The following FREM3 variants were observed in gnomAD, a reference collection of about 807,000 sequenced individuals.
The protein encoded by FREM3 is FRAS1 related extracellular matrix 3, also known as FRAS1-related extracellular matrix protein 3.
A neutral mutation model predicts 129.1 loss-of-function variants in FREM3; 105 were observed. That is an observed-to-expected ratio of 0.81 (90% confidence interval 0.69 to 0.96). The LOEUF (loss-of-function observed/expected upper bound fraction) is 0.96. FREM3 is among the 40% of genes least tolerant of loss of function. The pLI is 0.00. For missense variants in FREM3, 2,593 were observed against 2,666.3 expected (o/e 0.97, Z 0.61); for synonymous variants, 1,014 against 1,044.9 (o/e 0.97, Z 0.57).
intron 2 of FREM3, chr4:143,649,276 TTCA>T (rs1219277064): frequency 6.6e-6 from 1 of 152,218 alleles, no homozygotes; most frequent in Non-Finnish European, 1.5e-5. Flanking sequence ...CCATCAACTC[TTCA>T]TCATCACTAA....
chr4:143,580,183 T>C (rs927424401), intron 7 of FREM3, among the ~76,000 whole-genome samples: 1 of 150,542 alleles, frequency 6.6e-6, no homozygotes, highest in Non-Finnish European at 1.5e-5. Context: ...GGACAGAGAG[T>C]GGTGAATAAA....
At chr4:143,677,283 G>T (rs1431083420) in intron 2 of FREM3, among the ~76,000 whole-genome samples, 1 of 152,184 alleles carries the variant, frequency 6.6e-6, no homozygotes, top group African/African-American at 2.4e-5. Flanking sequence ...ACAAAAACAG[G>T]AAATGGGGAA....
At chr4:143,582,915 T>TTTTC (rs1560833000) in intron 7 of FREM3, among the ~76,000 whole-genome samples, 1 of 150,888 alleles carries the variant, frequency 6.6e-6, no homozygotes, top group Non-Finnish European at 1.5e-5. Context: ...TTTTTTGAGA[T>TTTTC]GGGTTTGAAC....
In FREM3 at chr4:143,700,482, G is replaced by A. The variant is rs866243537; in HGVS notation, c.194C>T (p.Ala65Val). 6.6e-7 allele frequency: 1 copy of A among 1,510,418 alleles called. No homozygotes were observed. The highest frequency in any genetic ancestry group is 8.8e-7 in the Non-Finnish European group (1 of 1,132,042). The allele number at this position is 1,510,418 out of a possible 1,614,324, so 93.6% of individuals were successfully genotyped here. The change falls in exon 1 of 8, where the codon GCC (alanine) becomes GTC (valine). Residue 65 changes from alanine (A) to valine (V), a missense_variant. By Grantham distance (64) the Ala-to-Val change is moderately conservative (BLOSUM62 0). Around this residue, in one of 2 missense-constraint regions of FREM3, gnomAD observed 2,276 missense variants for 2,267.2 expected, o/e 1.00. Coordinates refer to ENST00000329798, the MANE Select transcript of FREM3 (RefSeq NM_001168235.2). ...TRPDGPSVLI[A>V]NPGLRVPLGR... ...CAGGGGCACCCGGAGTCCAGGGTTG[G>A]CAATCAGCACGCTGGGGCCGTCGGG...
chr4:143,672,346 C>T (rs1262168342), intron 2 of FREM3, among the ~76,000 whole-genome samples: 1 of 152,180 alleles, frequency 6.6e-6, no homozygotes, highest in Non-Finnish European at 1.5e-5. Context: ...TTTCTTTGCT[C>T]ATACTTTTTT....
rs1442145686 is a variant in FREM3 at position 143,698,912 on chromosome 4, T to C, written c.1764A>G (p.Leu588=). The C allele has an allele frequency of 2.2e-5, 34 of 1,537,294 alleles. No homozygotes were observed. The Admixed American group carries it at 6.1e-4, about 27-fold the overall frequency. The change falls in exon 1 of 8, where the codon CTA becomes CTG. Residue 588 remains leucine, a synonymous_variant. Coordinates refer to ENST00000329798, the MANE Select transcript of FREM3 (RefSeq NM_001168235.2). ...TIHFVLENQP[L]KGNEEEPQWE... ...ACTGAGGCTCTTCCTCATTTCCTTT[T>C]AGGGGCTGGTTCTCCAGCACAAAGT...
chr4:143,685,874 C>T (rs1740355317), intron 2 of FREM3, among the ~76,000 whole-genome samples: 1 of 151,884 alleles, frequency 6.6e-6, no homozygotes, highest in African/African-American at 2.4e-5. Flanking sequence ...GGGGTGGGGG[C>T]CTGGAGGAGG....
rs1179546789 is a variant in FREM3, at chr4:143,577,432, A to G, written c.*179T>C. 5 of 588,962 alleles carry G rather than the reference A, an allele frequency of 8.5e-6. No homozygotes were observed. Among genetic ancestry groups the G allele is most frequent in the Non-Finnish European group, 1.5e-5 (5 of 342,046 alleles). 36.5% of individuals were successfully genotyped at this position (588,962 alleles called of 1,614,324 possible). A position where few individuals can be genotyped will look rare whatever the true frequency, so the allele number is the denominator to read the frequency against. ...TTTGTGGGCTCAATGTTTTCTAGGT[A>G]TATATATTTCTATCTCCATGCAGTC... On this transcript the variant is annotated 3_prime_UTR_variant, in exon 8 of 8. Coordinates refer to ENST00000329798, the MANE Select transcript of FREM3 (RefSeq NM_001168235.2).
intron 6 of FREM3, among the ~76,000 whole-genome samples, chr4:143,600,688 A>T (rs1253007913): frequency 2.0e-5 from 3 of 152,238 alleles, no homozygotes; most frequent in African/African-American, 7.2e-5. Context: ...AAAAGATCTT[A>T]TAATGGCTAG....
intron 4 of FREM3, among the ~76,000 whole-genome samples, chr4:143,623,851 G>A (rs1738998660): frequency 6.6e-6 from 1 of 152,108 alleles, no homozygotes; most frequent in Admixed American, 6.5e-5. Context: ...CGTGCAGAAA[G>A]CCTGCAGTAA....
Position 143,698,942 on chromosome 4 carries a change from G to T in FREM3, c.1734C>A (p.Thr578=). The change falls in exon 1 of 8, where the codon ACC becomes ACA. Residue 578 remains threonine (T), a synonymous_variant. Coordinates refer to ENST00000329798, the MANE Select transcript of FREM3 (RefSeq NM_001168235.2). ...GCTGGTTCTCCAGCACAAAGTGGAT[G>T]GTTGAGTCCTCAGAGTCAATATCAG... ...SATDIDSEDS[T]IHFVLENQPL... 1 of 1,537,276 alleles carries T rather than the reference G, an allele frequency of 6.5e-7. No homozygotes were observed. Among genetic ancestry groups the T allele is most frequent in the Non-Finnish European group, 8.7e-7 (1 of 1,146,920 alleles).
intron 2 of FREM3, among the ~76,000 whole-genome samples, chr4:143,654,156 G>T (rs1461673926): frequency 3.3e-5 from 5 of 152,296 alleles, no homozygotes; most frequent in African/African-American, 1.2e-4. Context: ...AGGCTGGAAT[G>T]CAGTGGTGCA....
At chr4:143,658,962 C>T (rs954481931) in intron 2 of FREM3, among the ~76,000 whole-genome samples, 1 of 151,828 alleles carries the variant, frequency 6.6e-6, no homozygotes, top group East Asian at 1.9e-4. Context: ...TATGCATCTC[C>T]ACTGATCTTT....
chr4:143,604,383 CTCT>C (rs1738630327), intron 6 of FREM3, among the ~76,000 whole-genome samples: 1 of 152,044 alleles, frequency 6.6e-6, no homozygotes, highest in African/African-American at 2.4e-5. Flanking sequence ...AAACTTAAAC[CTCT>C]TCTTCACTCT....
chr4:143,692,142 T>C (rs1471656734), intron 2 of FREM3, among the ~76,000 whole-genome samples: 1 of 152,204 alleles, frequency 6.6e-6, no homozygotes, highest in Non-Finnish European at 1.5e-5. Flanking sequence ...CTACTTTTTA[T>C]GAAGTGCTTT....
At chr4:143,691,094 C>A (rs1300663462) in intron 2 of FREM3, among the ~76,000 whole-genome samples, 1 of 152,048 alleles carries the variant, frequency 6.6e-6, no homozygotes, top group East Asian at 1.9e-4. Flanking sequence ...GAAAAAAATC[C>A]ACTGGATAAA....
chr4:143,698,731 C>T lies in FREM3; in HGVS notation c.1945G>A (p.Asp649Asn). Reference protein sequence around the residue: ...EKVVTEWLQRDIMEGRLFYRH... With the variant: ...EKVVTEWLQRNIMEGRLFYRH... ...TAGAAGAGTCTCCCTTCCATTATGT[C>T]TCTCTGTAGCCACTCAGTCACCACT... The change falls in exon 1 of 8, where the codon GAC becomes AAC. Residue 649 changes from aspartate (D) to asparagine (N), a missense_variant. Asp to Asn is a conservative substitution (Grantham distance 23). Around this residue, in one of 2 missense-constraint regions of FREM3, gnomAD observed 2,276 missense variants for 2,267.2 expected, o/e 1.00. Coordinates refer to ENST00000329798, the MANE Select transcript of FREM3 (RefSeq NM_001168235.2). 6.5e-7 allele frequency: 1 copy of T among 1,537,314 alleles called. No individual in the cohort carries two copies. Among genetic ancestry groups the T allele is most frequent in the African/African-American group, 1.4e-5 (1 of 73,156 alleles).
chr4:143,644,931 G>A (rs1295678055), intron 2 of FREM3, among the ~76,000 whole-genome samples: 1 of 152,158 alleles, frequency 6.6e-6, no homozygotes, highest in Non-Finnish European at 1.5e-5. Flanking sequence ...CCTCAAATCT[G>A]TCCTTTCCAA....
At chr4:143,595,621 C>T (rs1275284780) in intron 6 of FREM3, among the ~76,000 whole-genome samples, 3 of 152,184 alleles carry the variant, frequency 2.0e-5, no homozygotes, top group African/African-American at 4.8e-5. Context: ...GGCACCGTGG[C>T]TCTTGCCTGT....
Sources: gnomAD v4.1 joint callset for allele counts (sites outside exome capture counted in the v4.1 genomes callset) on GRCh38, gnomAD v4.1.1 for gene constraint, gnomAD v4.1.1 regional missense constraint, MANE v1.5 for transcripts, NCBI Gene and HGNC (gene_info 2026-07-23, HGNC 2026-07-21) for gene names.